CSMD1: variants seen among roughly 807,000 people sequenced by gnomAD.
CSMD1 encodes the protein CUB and Sushi multiple domains 1, also known as CUB and sushi domain-containing protein 1.
A neutral mutation model predicts 417.5 loss-of-function variants in CSMD1; 213 were observed. The observed-to-expected ratio is 0.51, with a 90% CI of 0.46 to 0.57. CSMD1 has a LOEUF of 0.57. Among genes scored for constraint, CSMD1 ranks in the 20% least tolerant of loss-of-function variants. CSMD1 has a pLI of 0.00. For synonymous variants in CSMD1, 2,862 were observed against 1,736.8 expected, an observed-to-expected ratio of 1.65 and a Z score of -16.11; for missense variants, 6,923 against 4,529.7, an observed-to-expected ratio of 1.53 and a Z score of -15.17.
At chr8:4,606,066 A>T (rs573042733) in intron 2 of CSMD1, among the ~76,000 whole-genome samples, 2 of 152,258 alleles carry the variant, frequency 1.3e-5, no homozygotes, top group South Asian at 4.1e-4. Context: ...CCTGAGAAGG[A>T]TGCGGTGGTG....
At chr8:3,375,153 T>G (rs1318366755) in intron 18 of CSMD1, 1 of 152,178 alleles carries the variant, frequency 6.6e-6, no homozygotes, top group African/African-American at 2.4e-5. Flanking sequence ...GTTCTCCAAC[T>G]GTGTTGAACT....
Position 4,129,944 on chromosome 8 carries a change from A to G in CSMD1, c.416-97845T>C, listed in dbSNP as rs775641751. On this transcript the variant is annotated intron_variant, in intron 3 of 69. Coordinates refer to ENST00000635120, the MANE Select transcript of CSMD1 (RefSeq NM_033225.6). ...TTAACAATTATATATTTAAGTTCTT[A>G]TATCTTGCAAATTTTCAGTTTCTTC... Among the ~76,000 whole-genome samples the G allele has an allele frequency of 1.5e-3, 224 of 152,226 alleles. 2 individuals are homozygous for G. The highest frequency in any genetic ancestry group is 2.0e-3 in the Non-Finnish European group (134 of 68,008).
At chr8:3,726,614 C>T (rs928661369) in intron 6 of CSMD1, among the ~76,000 whole-genome samples, 5 of 152,196 alleles carry the variant, frequency 3.3e-5, no homozygotes, top group East Asian at 1.9e-4. Flanking sequence ...CCCTGTGTTA[C>T]GAGGGTAGGT....
chr8:3,521,667 A>C (rs1797514294), intron 10 of CSMD1, among the ~76,000 whole-genome samples: 1 of 152,184 alleles, frequency 6.6e-6, no homozygotes. Flanking sequence ...AAATGTTATA[A>C]CTGGAAGTGA....
intron 28 of CSMD1, among the ~76,000 whole-genome samples, chr8:3,220,965 C>T (rs1798175348): frequency 6.6e-6 from 1 of 152,132 alleles, no homozygotes; most frequent in African/African-American, 2.4e-5. Flanking sequence ...GCTCCTACTC[C>T]CTTTCCTTTC....
At chr8:3,106,672 TTG>T (rs1563347244) in intron 45 of CSMD1, 31 bp from the exon 46 acceptor site, 1 of 1,406,394 alleles carries the variant, frequency 7.1e-7, no homozygotes, top group Non-Finnish European at 1.0e-6. Context: ...AACCAGGAAA[TTG>T]TGTGTGACCT....
At chr8:4,941,114 C>T (rs890797006) in intron 1 of CSMD1, among the ~76,000 whole-genome samples, 28 of 152,188 alleles carry the variant, frequency 1.8e-4, no homozygotes, top group South Asian at 4.1e-4. Context: ...GTTTGTCTTT[C>T]GCCTCTGATT....
chr8:4,231,635 C>G (rs1421566722), intron 3 of CSMD1, among the ~76,000 whole-genome samples: 1 of 152,200 alleles, frequency 6.6e-6, no homozygotes, highest in East Asian at 1.9e-4. Context: ...ATCTTCTTTA[C>G]TGCAGGCTCT....
chr8:3,537,306 A>T (rs1320051298), intron 10 of CSMD1, among the ~76,000 whole-genome samples: 1 of 152,194 alleles, frequency 6.6e-6, no homozygotes, highest in Non-Finnish European at 1.5e-5. Context: ...CCCGGCCCGC[A>T]AACTCTTGCT....
chr8:3,921,619 A>C (rs572362954), intron 5 of CSMD1, among the ~76,000 whole-genome samples: 3 of 150,998 alleles, frequency 2.0e-5, no homozygotes, highest in Non-Finnish European at 4.4e-5. Flanking sequence ...CTATTTTTGG[A>C]TTTCCCTTTT....
chr8:4,694,355 T>G (rs1022081321), intron 1 of CSMD1, among the ~76,000 whole-genome samples: 2 of 152,076 alleles, frequency 1.3e-5, no homozygotes, highest in African/African-American at 4.8e-5. Context: ...TTTTTTTTAT[T>G]TTTTTTATTT....
At chr8:4,621,985 A>C (rs772317934) in intron 2 of CSMD1, among the ~76,000 whole-genome samples, 2 of 152,092 alleles carry the variant, frequency 1.3e-5, no homozygotes, top group African/African-American at 4.8e-5. Context: ...ACTTATTCAT[A>C]ATAAAACCCT....
intron 21 of CSMD1, among the ~76,000 whole-genome samples, chr8:3,349,588 C>T (rs1011479833): frequency 8.6e-5 from 13 of 150,940 alleles, no homozygotes; most frequent in African/African-American, 2.4e-4. Flanking sequence ...CTCAAAGATG[C>T]CATTGGGAAT....
intron 51 of CSMD1, among the ~76,000 whole-genome samples, chr8:3,025,536 G>C (rs1478283011): frequency 1.3e-5 from 2 of 152,224 alleles, no homozygotes; most frequent in African/African-American, 2.4e-5. Context: ...CTAAAAATGG[G>C]ATCCAAGAAC....
At chr8:4,218,393 A>G (rs953974533) in intron 3 of CSMD1, among the ~76,000 whole-genome samples, 10 of 152,146 alleles carry the variant, frequency 6.6e-5, no homozygotes, top group African/African-American at 2.4e-4. Context: ...ACTTTTCTCT[A>G]TCTCAACTCG....
At chr8:3,170,946 C>T (rs758562872) in intron 37 of CSMD1, among the ~76,000 whole-genome samples, 6 of 152,240 alleles carry the variant, frequency 3.9e-5, no homozygotes, top group Admixed American at 6.5e-5. Context: ...CATAATAAAG[C>T]GGGCACACAA....
At chr8:3,723,224 C>G (rs543394545) in intron 6 of CSMD1, among the ~76,000 whole-genome samples, 7 of 152,144 alleles carry the variant, frequency 4.6e-5, no homozygotes, top group Non-Finnish European at 1.0e-4. Context: ...CCCTTCCCTG[C>G]CTTGTGACCC....
intron 10 of CSMD1, among the ~76,000 whole-genome samples, chr8:3,535,884 G>A (rs1266080397): frequency 6.6e-6 from 1 of 152,082 alleles, no homozygotes; most frequent in Non-Finnish European, 1.5e-5. Flanking sequence ...ACTCTAGGCT[G>A]GCCACTAAGC....
intron 40 of CSMD1, among the ~76,000 whole-genome samples, chr8:3,144,008 A>C (rs1455515996): frequency 1.3e-5 from 2 of 152,256 alleles, no homozygotes; most frequent in African/African-American, 4.8e-5. Context: ...AAACAATTTC[A>C]TTAATTATGG....
Sources: allele counts gnomAD v4.1 joint callset (sites outside exome capture counted in the v4.1 genomes callset), GRCh38; gene constraint gnomAD v4.1.1; transcripts MANE v1.5; gene names NCBI Gene and HGNC (gene_info 2026-07-23, HGNC 2026-07-21).